Variants in MYO7B observed in about 807,000 individuals in gnomAD.
The protein encoded by MYO7B is myosin VIIB.
Under a neutral mutation model 259.7 loss-of-function variants are expected in MYO7B, and 212 were observed. The observed-to-expected ratio is 0.82, with a 90% confidence interval of 0.73 to 0.91. MYO7B has a LOEUF of 0.91. Among genes scored for constraint, MYO7B ranks in the 40% least tolerant of loss-of-function variants. MYO7B has a pLI of 0.00. For synonymous variants in MYO7B, 1,197 were observed against 1,166.4 expected, an observed-to-expected ratio of 1.03 and a Z score of -0.54; for missense variants, 2,732 against 2,813.5, an observed-to-expected ratio of 0.97 and a Z score of 0.66.
chr2:127,587,621 T>G (rs1171720061), intron 14 of MYO7B, among the ~76,000 whole-genome samples: 2 of 146,466 alleles, frequency 1.4e-5, no homozygotes, highest in East Asian at 2.0e-4. Flanking sequence ...CAAGCTGGAG[T>G]GCAATAGTGT....
intron 2 of MYO7B, among the ~76,000 whole-genome samples, chr2:127,563,543 G>A (rs544806385): frequency 9.2e-5 from 14 of 152,264 alleles, no homozygotes; most frequent in Admixed American, 2.6e-4. Context: ...GTGTTTCCTA[G>A]AACCAAGACA....
rs1322571865 is a variant in MYO7B, at chr2:127,624,226, C to G, written c.3953C>G (p.Pro1318Arg). ...RIYFRKEFFT[P>R]WHDSREDPVS... ...TACTTCCGGAAGGAATTCTTCACCC[C>G]CTGGCACGACTCCCGGGAGGACCCT... Residue 1318 changes from proline (P) to arginine (R), a missense_variant, in exon 30 of 48, where the codon CCC (proline) becomes CGC (arginine). Pro to Arg is a moderately radical substitution (Grantham distance 103). Coordinates refer to ENST00000409816, the MANE Select transcript of MYO7B (RefSeq NM_001393586.1). 1.3e-6 allele frequency: 2 copies of G among 1,597,602 alleles called. No homozygotes were observed. Among genetic ancestry groups the G allele is most frequent in the East Asian group, 2.3e-5 (1 of 43,996 alleles).
At chr2:127,631,877 G>A in intron 38 of MYO7B, 124 bp downstream of exon 38, 3 of 1,296,714 alleles carry the variant, frequency 2.3e-6, no homozygotes, top group South Asian at 1.5e-5. Context: ...CTGGGCTCCT[G>A]CCTCAGCAGT....
At chr2:127,538,038 G>A (rs1229970536) in intron 1 of MYO7B, among the ~76,000 whole-genome samples, 1 of 152,180 alleles carries the variant, frequency 6.6e-6, no homozygotes, top group Non-Finnish European at 1.5e-5. Context: ...ATGTACACCA[G>A]AGGCACAGAC....
chr2:127,569,895 A>G lies in MYO7B; in HGVS notation c.577A>G (p.Asn193Asp). 1 of 1,612,644 alleles carries G rather than the reference A, an allele frequency of 6.2e-7. No homozygotes were observed. The highest frequency in any genetic ancestry group is 8.5e-7 in the Non-Finnish European group (1 of 1,179,232). Residue 193 changes from asparagine to aspartate, a missense_variant, in exon 6 of 48, where the codon AAC becomes GAC. Physicochemically the swap from Asn to Asp is conservative, Grantham distance 23. Coordinates refer to ENST00000409816, the MANE Select transcript of MYO7B (RefSeq NM_001393586.1). ...SWIEQQVLEA[N>D]PILEAFGNAK... ...GATTGAGCAGCAGGTCCTGGAAGCC[A>G]ACCCCATCCTGGAGGGTAAGCATCA...
In MYO7B at chr2:127,627,742, G is replaced by C. The variant is rs1681222117; in HGVS notation, c.4460+432G>C. On this transcript the variant is annotated intron_variant, in intron 33 of 47. Transcript: ENST00000409816. This position sits in a 1 kb window ranked among gnomAD's most constrained non-coding sequence, Gnocchi z 5.6. ...AGGGCTGGGGGTCCTCTTAGGCTGG[G>C]GCTGACCCCCACTCCCATGGGTCTC... The C allele has an allele frequency of 4.4e-6, 2 of 458,992 alleles. No homozygotes were observed. The highest frequency in any genetic ancestry group is 4.0e-5 in the African/African-American group (2 of 50,174). The allele number at this position is 458,992 out of a possible 1,614,324, so 28.4% of individuals were successfully genotyped here.
chr2:127,559,913 C>T lies in MYO7B; in HGVS notation c.18+173C>T, dbSNP rs1231095981. On this transcript the variant is annotated intron_variant, in intron 2 of 47. Coordinates refer to ENST00000409816, the MANE Select transcript of MYO7B (RefSeq NM_001393586.1). This position sits in a 1 kb window ranked among gnomAD's most constrained non-coding sequence, Gnocchi z 4.1. ...AGCATCTAAAGAAAACAAGTTTGGC[C>T]AGCCACTGGCCTCGGCAATACATGT... 6.6e-6 allele frequency among the ~76,000 whole-genome samples: 1 copy of T among 152,156 alleles called. No individual in the cohort carries two copies. Among genetic ancestry groups the T allele is most frequent in the Non-Finnish European group, 1.5e-5 (1 of 68,030 alleles).
In MYO7B at chr2:127,627,409, G is replaced by A. The variant is rs187883951; in HGVS notation, c.4460+99G>A. 84 of 1,511,304 alleles carry A rather than the reference G, an allele frequency of 5.6e-5. No individual in the cohort carries two copies. Among genetic ancestry groups the A allele is most frequent in the Non-Finnish European group, 6.9e-5 (77 of 1,110,062 alleles). The allele number at this position is 1,511,304 out of a possible 1,614,324, so 93.6% of individuals were successfully genotyped here. ...GGGGAGAGGGGCAGTGTGCCGTCCCGGGTAACAGGCCGGGGTGGAGGGACA... is the reference window on the plus strand; with the variant it reads ...GGGGAGAGGGGCAGTGTGCCGTCCCAGGTAACAGGCCGGGGTGGAGGGACA... On this transcript the variant is annotated intron_variant, in intron 33 of 47. Coordinates refer to ENST00000409816, the MANE Select transcript of MYO7B (RefSeq NM_001393586.1). The surrounding 1 kb of genome is among the most constrained non-coding windows in gnomAD (Gnocchi z 5.6).
Position 127,564,151 on chromosome 2 carries a change from A to G in MYO7B, c.19-2A>G. 1.9e-6 allele frequency: 3 copies of G among 1,555,654 alleles called. No individual in the cohort carries two copies. The highest frequency in any genetic ancestry group is 2.6e-6 in the Non-Finnish European group (3 of 1,147,888). Reference sequence around the variant, plus strand: ...CACCACTGTCTTCTGTCTGCCCTCCAGGGTGACCACGTGTGGCTGGAGCCT... The same window carrying G: ...CACCACTGTCTTCTGTCTGCCCTCCGGGGTGACCACGTGTGGCTGGAGCCT... On this transcript the variant is annotated splice_acceptor_variant, in intron 2 of 47. Coordinates refer to ENST00000409816, the MANE Select transcript of MYO7B (RefSeq NM_001393586.1). LOFTEE classifies it high-confidence loss of function.
chr2:127,631,583 C>G lies in MYO7B; in HGVS notation c.5096-17C>G, dbSNP rs1482608965. The G allele has an allele frequency of 1.2e-6, 2 of 1,612,196 alleles. No individual in the cohort carries two copies. The highest frequency in any genetic ancestry group is 1.3e-5 in the African/African-American group (1 of 75,056). ...AGCGTGGGGCTGCCCCAGCACTGTG[C>G]TCCTTGACAGCCACACCCATCCTCC... On this transcript the variant is annotated splice_polypyrimidine_tract_variant and intron_variant, in intron 37 of 47. Coordinates refer to ENST00000409816, the MANE Select transcript of MYO7B (RefSeq NM_001393586.1).
At chr2:127,573,884 C>T (rs764311553) in intron 6 of MYO7B, 36 bp from the exon 7 acceptor site, 2 of 1,613,218 alleles carry the variant, frequency 1.2e-6, no homozygotes, top group South Asian at 1.1e-5. Context: ...TTTCTCCTCT[C>T]TGCTCCCATC....
chr2:127,581,931 C>A lies in MYO7B; in HGVS notation c.1121C>A (p.Thr374Asn). ...QELRDCLIKHTILIRGEFVTR... is the reference protein window; with the variant it reads ...QELRDCLIKHNILIRGEFVTR... ...CTCCGGGACTGTCTGATCAAGCACA[C>A]CATCCTCATCCGAGGGGAATTTGTC... The change falls in exon 11 of 48, where the codon ACC (threonine) becomes AAC (asparagine). Residue 374 changes from threonine to asparagine, a missense_variant. Coordinates refer to ENST00000409816, the MANE Select transcript of MYO7B (RefSeq NM_001393586.1). 1 of 1,613,934 alleles carries A rather than the reference C, an allele frequency of 6.2e-7. No homozygotes were observed. Among genetic ancestry groups the A allele is most frequent in the Non-Finnish European group, 8.5e-7 (1 of 1,179,886 alleles).
rs138303996 is a variant in MYO7B at position 127,620,126 on chromosome 2, G to A, written c.3399-214G>A. ...AAGCCGAGCCCCACCCTAAAGGACC[G>A]AGAGCACAGGCCATGGGAGAGGAAT... On this transcript the variant is annotated intron_variant, in intron 26 of 47. Coordinates refer to ENST00000409816, the MANE Select transcript of MYO7B (RefSeq NM_001393586.1). The A allele has an allele frequency of 3.3e-3, 1,413 of 425,096 alleles. 3 individuals are homozygous for A. The highest frequency in any genetic ancestry group is 6.8e-3 in the African/African-American group (344 of 50,238). 26.3% of individuals were successfully genotyped at this position (425,096 alleles called of 1,614,324 possible).
At chr2:127,555,553 A>G (rs977812884) in intron 1 of MYO7B, among the ~76,000 whole-genome samples, 1 of 152,170 alleles carries the variant, frequency 6.6e-6, no homozygotes, top group Admixed American at 6.5e-5. Context: ...CTTTCCTCTT[A>G]GCATTGCCTT....
At chr2:127,592,969 C>G (rs1262132421) in intron 17 of MYO7B, 23 bp downstream of exon 17, 3 of 1,565,038 alleles carry the variant, frequency 1.9e-6, no homozygotes, top group Non-Finnish European at 2.6e-6. Flanking sequence ...CGGGGACGGT[C>G]ACCTCTGGCC....
intron 28 of MYO7B, among the ~76,000 whole-genome samples, chr2:127,622,414 T>C (rs1182031037): frequency 6.6e-6 from 1 of 152,204 alleles, no homozygotes; most frequent in Non-Finnish European, 1.5e-5. Context: ...GGCATTTCAC[T>C]TGGTGACAAG....
At chr2:127,625,668 A>C (rs1681073574) in intron 31 of MYO7B, 133 bp downstream of exon 31, 1 of 1,036,620 alleles carries the variant, frequency 9.6e-7, no homozygotes, top group Non-Finnish European at 1.3e-6. Flanking sequence ...CCTCAGCTTG[A>C]CAGTTAAGTA....
rs1442113011 is a variant in MYO7B, at chr2:127,633,256, A to G, written c.5406-2A>G. 1 of 1,607,326 alleles carries G rather than the reference A, an allele frequency of 6.2e-7. No individual in the cohort carries two copies. The highest frequency in any genetic ancestry group is 1.3e-5 in the African/African-American group (1 of 74,798). On this transcript the variant is annotated splice_acceptor_variant, in intron 39 of 47. Transcript: ENST00000409816. LOFTEE classifies it high-confidence loss of function. ...ACCTGCAGCACACGCTGTCCCCCTC[A>G]GGACGGGGCCCCGGAAGCAGCCCCC... is the stretch of plus-strand genomic sequence containing the variant.
rs1022726693 is a variant in MYO7B, at chr2:127,627,026, G to A, written c.4267G>A (p.Val1423Met). Residue 1423 changes from valine to methionine, a missense_variant, in exon 32 of 48, where the codon GTG becomes ATG. Val to Met is a conservative substitution (Grantham distance 21, BLOSUM62 1). Transcript: ENST00000409816. The surrounding 1 kb of genome is among the most constrained non-coding windows in gnomAD (Gnocchi z 5.6). ...VTPLAVREQV[V>M]DAARLQWPLL... Reference sequence around the variant, plus strand: ...ACCACTGGCCGTGCGAGAGCAGGTGGTGGACGCCGCCCGCCTGCAGTGGCC... The same window carrying A: ...ACCACTGGCCGTGCGAGAGCAGGTGATGGACGCCGCCCGCCTGCAGTGGCC... 1.2e-6 allele frequency: 2 copies of A among 1,611,098 alleles called. No homozygotes were observed. Among genetic ancestry groups the A allele is most frequent in the African/African-American group, 2.7e-5 (2 of 75,028 alleles).
Sources: gnomAD v4.1 joint callset for allele counts (sites outside exome capture counted in the v4.1 genomes callset) on GRCh38, gnomAD v4.1.1 for gene constraint, Gnocchi (gnomAD v3.1) non-coding constraint, MANE v1.5 for transcripts, NCBI Gene and HGNC (gene_info 2026-07-23, HGNC 2026-07-21) for gene names.